Variants in XKR4 observed in about 807,000 individuals in gnomAD.
XKR4 encodes XK related 4, also known as XK-related protein 4.
In XKR4, 12 loss-of-function variants were observed where a neutral mutation model predicts 53.9. The observed-to-expected ratio is 0.22, with a 90% CI of 0.14 to 0.36. The LOEUF is 0.36. XKR4 is among the 10% of genes least tolerant of loss of function. The pLI, the probability that XKR4 is intolerant of heterozygous loss-of-function variation, is 1.00. For missense variants in XKR4, 799 were observed against 859.5 expected, an observed-to-expected ratio of 0.93 and a Z score of 0.88; for synonymous variants, 354 against 362.4, an observed-to-expected ratio of 0.98 and a Z score of 0.26.
At chr8:55,523,025 C>A (rs113537657) in intron 2 of XKR4, among the ~76,000 whole-genome samples, 1 of 151,984 alleles carries the variant, frequency 6.6e-6, no homozygotes, top group African/African-American at 2.4e-5. Flanking sequence ...GCCTGTAGTC[C>A]CAGCTACTGG....
rs897981114 is a variant in XKR4 at position 55,124,278 on chromosome 8, T to C, written c.806+20984T>C. Among the ~76,000 whole-genome samples, 44 of 152,162 alleles carry C rather than the reference T, an allele frequency of 2.9e-4. 1 individual carries two copies. The highest frequency in any genetic ancestry group is 2.6e-4 in the Admixed American group (4 of 15,268). On this transcript the variant is annotated intron_variant, in intron 1 of 2. Transcript: ENST00000327381. ...CTTGCTTGCTCCTATCACCACAGCCTCTTCTCAGCTCTTTGTGGAACCTTC... is the reference window on the plus strand; with the variant it reads ...CTTGCTTGCTCCTATCACCACAGCCCCTTCTCAGCTCTTTGTGGAACCTTC...
At chr8:55,450,259 C>T (rs1805416375) in intron 2 of XKR4, 3 of 672,242 alleles carry the variant, frequency 4.5e-6, no homozygotes, top group Non-Finnish European at 7.7e-6. Context: ...CTCAGGGGCT[C>T]AGGGGGTTCC....
chr8:55,149,293 T>C (rs745568522), intron 1 of XKR4, among the ~76,000 whole-genome samples: 43 of 152,236 alleles, frequency 2.8e-4, no homozygotes, highest in Non-Finnish European at 4.6e-4. Context: ...TAGTTCTCTC[T>C]TTCAGTTGAC....
chr8:55,141,037 G>A (rs997343182), intron 1 of XKR4, among the ~76,000 whole-genome samples: 2 of 151,996 alleles, frequency 1.3e-5, no homozygotes, highest in African/African-American at 2.4e-5. Context: ...TGTCCACTGC[G>A]TGTGAAAACA....
chr8:55,295,466 G>A (rs1265896307), intron 1 of XKR4, among the ~76,000 whole-genome samples: 3 of 152,128 alleles, frequency 2.0e-5, no homozygotes. Context: ...TAGTAACTGG[G>A]CACTTACTAT....
intron 1 of XKR4, among the ~76,000 whole-genome samples, chr8:55,122,089 A>G (rs375674271): frequency 6.6e-6 from 1 of 152,270 alleles, no homozygotes; most frequent in Non-Finnish European, 1.5e-5. Flanking sequence ...AATTATTTTT[A>G]TAATTTTTAA....
intron 2 of XKR4, among the ~76,000 whole-genome samples, chr8:55,420,358 T>G (rs1040583709): frequency 1.3e-5 from 2 of 152,054 alleles, no homozygotes; most frequent in Non-Finnish European, 2.9e-5. Context: ...GTGGCATTAT[T>G]CACAATAGCA....
At chr8:55,272,082 A>T (rs1363518598) in intron 1 of XKR4, among the ~76,000 whole-genome samples, 1 of 152,092 alleles carries the variant, frequency 6.6e-6, no homozygotes, top group African/African-American at 2.4e-5. Flanking sequence ...GATGGTGGAG[A>T]GTTGGGTGCA....
At chr8:55,161,495 C>T (rs1257273437) in intron 1 of XKR4, 1 of 455,112 alleles carries the variant, frequency 2.2e-6, no homozygotes, top group East Asian at 6.9e-5. Flanking sequence ...CCTTTATAGC[C>T]ACCATCTGAA....
chr8:55,450,279 T>A (rs922150901), intron 2 of XKR4: 2 of 705,340 alleles, frequency 2.8e-6, no homozygotes, highest in East Asian at 5.9e-5. Flanking sequence ...CCCGAGCCAG[T>A]TCCCAGTCAT....
chr8:55,400,648 A>G (rs1205451751), intron 2 of XKR4, among the ~76,000 whole-genome samples: 1 of 152,128 alleles, frequency 6.6e-6, no homozygotes, highest in East Asian at 1.9e-4. Flanking sequence ...AAATCCAATG[A>G]TCTAATCTAA....
intron 1 of XKR4, among the ~76,000 whole-genome samples, chr8:55,252,904 T>C (rs1338403577): frequency 6.6e-6 from 1 of 152,152 alleles, no homozygotes; most frequent in African/African-American, 2.4e-5. Flanking sequence ...AAATGAGATA[T>C]GCATGGGCTA....
At chr8:55,349,772 G>A in intron 1 of XKR4, among the ~76,000 whole-genome samples, 1 of 151,890 alleles carries the variant, frequency 6.6e-6, no homozygotes, top group Admixed American at 6.6e-5. Context: ...AATACATAAG[G>A]GTTTAAGAAA....
chr8:55,223,150 C>T (rs1338415159), intron 1 of XKR4, among the ~76,000 whole-genome samples: 1 of 152,146 alleles, frequency 6.6e-6, no homozygotes, highest in African/African-American at 2.4e-5. Flanking sequence ...CAGGCAGAAC[C>T]AATGGGTGTC....
chr8:55,534,621 C>A lies in XKR4; in HGVS notation c.*10394C>A, dbSNP rs1292320181. 1.3e-5 allele frequency: 2 copies of A among 151,726 alleles called. No homozygotes were observed. The highest frequency in any genetic ancestry group is 2.9e-5 in the Non-Finnish European group (2 of 68,080). 9.4% of individuals were successfully genotyped at this position (151,726 alleles called of 1,614,324 possible). ...CGATCTCCTGACCTCGTGATCTGCC[C>A]TCCTTGGCCTCCCAAAGTGCTGGGA... On this transcript the variant is annotated 3_prime_UTR_variant, in exon 3 of 3. Coordinates refer to ENST00000327381, the MANE Select transcript of XKR4 (RefSeq NM_052898.2).
chr8:55,301,245 GT>G (rs1360284662), intron 1 of XKR4, among the ~76,000 whole-genome samples: 1 of 149,620 alleles, frequency 6.7e-6, no homozygotes, highest in Admixed American at 6.7e-5. Flanking sequence ...AACATGCGGT[GT>G]TTGGTTTTTT....
At chr8:55,245,971 G>T (rs916661005) in intron 1 of XKR4, among the ~76,000 whole-genome samples, 1 of 152,126 alleles carries the variant, frequency 6.6e-6, no homozygotes, top group Admixed American at 6.5e-5. Flanking sequence ...GCGTGGTGGC[G>T]CATGCCTGTA....
intron 1 of XKR4, among the ~76,000 whole-genome samples, chr8:55,126,992 G>C (rs1816476061): frequency 6.6e-6 from 1 of 152,102 alleles, no homozygotes; most frequent in African/African-American, 2.4e-5. Flanking sequence ...TGACCTTCAG[G>C]GAAATTTCAT....
At chr8:55,327,062 G>T (rs921392674) in intron 1 of XKR4, among the ~76,000 whole-genome samples, 3 of 152,160 alleles carry the variant, frequency 2.0e-5, no homozygotes, top group African/African-American at 7.2e-5. Flanking sequence ...ACTTAAGATC[G>T]TTGCAAGGCG....
Sources: gnomAD v4.1 joint callset for allele counts (sites outside exome capture counted in the v4.1 genomes callset) on GRCh38, gnomAD v4.1.1 for gene constraint, MANE v1.5 for transcripts, NCBI Gene and HGNC (gene_info 2026-07-23, HGNC 2026-07-21) for gene names.